Variants in EPHB1 observed in about 807,000 individuals in gnomAD.
EPHB1 encodes the protein EPH receptor B1.
EPHB1 carries 30 observed loss-of-function variants against 94.4 expected under a neutral mutation model. The observed-to-expected ratio is 0.32, with a 90% confidence interval of 0.24 to 0.43. EPHB1 has a LOEUF of 0.43. Among genes scored for constraint, EPHB1 ranks in the 20% least tolerant of loss-of-function variants. The probability of loss-of-function intolerance (pLI) is 1.00; values close to 1 mark genes in which losing one functional copy is unlikely to be tolerated. For missense variants in EPHB1, 1,055 were observed against 1,308.3 expected, an observed-to-expected ratio of 0.81 and a Z score of 2.99; for synonymous variants, 522 against 489.1, an observed-to-expected ratio of 1.07 and a Z score of -0.89.
At chr3:135,081,400 G>A (rs1056466005) in intron 3 of EPHB1, among the ~76,000 whole-genome samples, 2 of 152,172 alleles carry the variant, frequency 1.3e-5, no homozygotes, top group African/African-American at 2.4e-5. Context: ...AAACTCTCAC[G>A]AGGATGGAGA....
chr3:134,853,858 G>T (rs966359761), intron 1 of EPHB1, among the ~76,000 whole-genome samples: 2 of 152,180 alleles, frequency 1.3e-5, no homozygotes, highest in Non-Finnish European at 2.9e-5. Context: ...CCATATAGGA[G>T]CAACTTCACA....
chr3:135,154,201 C>T lies in EPHB1; in HGVS notation c.1347C>T (p.Ser449=), dbSNP rs776038429. The T allele has an allele frequency of 1.2e-6, 2 of 1,614,046 alleles. No individual in the cohort carries two copies. Among genetic ancestry groups the T allele is most frequent in the Non-Finnish European group, 1.7e-6 (2 of 1,179,878 alleles). The change falls in exon 6 of 16, where the codon AGC becomes AGT. Residue 449 remains serine, a synonymous_variant. Transcript: ENST00000398015. ...ACCAAGTCAGTGCCACTATGAGGAG[C>T]ATCACCTTGTCATGGCCACAGCCGG... The part of the protein sequence containing the change: ...IMHQVSATMR[S]ITLSWPQPEQ...
At position 135,179,979 on chromosome 3, in the gene EPHB1, G is replaced by T. The variant is rs1329258481; in HGVS notation, c.1879G>T (p.Ala627Ser). Residue 627 changes from alanine to serine, a missense_variant, in exon 10 of 16, where the codon GCA (alanine) becomes TCA (serine). Ala to Ser is a moderately conservative substitution (Grantham distance 99). Transcript: ENST00000398015. ...TGTGAAAATTGAAGAGGTCATCGGAGCAGGTATGGCTCTTCCCTGTCTTGT... is the reference window on the plus strand; with the variant it reads ...TGTGAAAATTGAAGAGGTCATCGGATCAGGTATGGCTCTTCCCTGTCTTGT... ...SFVKIEEVIG[A>S]GEFGEVYKGR... is the part of the protein sequence containing the mutation. The T allele has an allele frequency of 6.2e-7, 1 of 1,613,790 alleles. No individual in the cohort carries two copies. Among genetic ancestry groups the T allele is most frequent in the Non-Finnish European group, 8.5e-7 (1 of 1,179,726 alleles).
intron 3 of EPHB1, among the ~76,000 whole-genome samples, chr3:135,054,618 A>G (rs1406089627): frequency 6.6e-6 from 1 of 152,202 alleles, no homozygotes; most frequent in African/African-American, 2.4e-5. Context: ...GGGGCACCTC[A>G]GACTTCTTGC....
At chr3:135,165,632 A>G (rs543567675) in intron 7 of EPHB1, among the ~76,000 whole-genome samples, 4 of 152,296 alleles carry the variant, frequency 2.6e-5, no homozygotes, top group Non-Finnish European at 5.9e-5. Context: ...AGTCCCCTTC[A>G]TTGGAATGTC....
At chr3:135,170,912 G>A (rs1161000613) in intron 9 of EPHB1, among the ~76,000 whole-genome samples, 1 of 152,170 alleles carries the variant, frequency 6.6e-6, no homozygotes, top group Non-Finnish European at 1.5e-5. Flanking sequence ...TCCGTGTGCA[G>A]GCAACTGCAG....
chr3:134,925,359 C>T (rs553250485), intron 1 of EPHB1, among the ~76,000 whole-genome samples: 37 of 152,246 alleles, frequency 2.4e-4, no homozygotes, highest in African/African-American at 8.4e-4. Context: ...ACAGATGAGG[C>T]CAGAGAAGCT....
chr3:134,908,379 C>T (rs543694651), intron 1 of EPHB1, among the ~76,000 whole-genome samples: 2 of 152,310 alleles, frequency 1.3e-5, no homozygotes, highest in East Asian at 1.9e-4. Flanking sequence ...GGGCCCAGGG[C>T]CCAGACCTCC....
chr3:135,057,611 C>T (rs1937384147), intron 3 of EPHB1, among the ~76,000 whole-genome samples: 1 of 152,158 alleles, frequency 6.6e-6, no homozygotes, highest in Non-Finnish European at 1.5e-5. Context: ...CTTTTATCTC[C>T]AGTGCTTTGG....
chr3:135,241,917 G>T (rs1316021080), intron 13 of EPHB1, among the ~76,000 whole-genome samples: 1 of 152,224 alleles, frequency 6.6e-6, no homozygotes, highest in Non-Finnish European at 1.5e-5. Context: ...ACAGGAGAGG[G>T]TCCCTGTCTG....
In EPHB1 at chr3:135,070,936, T is replaced by C. The variant is rs192828807; in HGVS notation, c.806-35512T>C. On this transcript the variant is annotated intron_variant, in intron 3 of 15. Coordinates refer to ENST00000398015, the MANE Select transcript of EPHB1 (RefSeq NM_004441.5). Reference sequence around the variant, plus strand: ...CTCTTATTCTGCACATAGTAAAAAATGATGTGCATGGTCAAGTGTTCATTA... The same window carrying C: ...CTCTTATTCTGCACATAGTAAAAAACGATGTGCATGGTCAAGTGTTCATTA... 1.2e-3 allele frequency among the ~76,000 whole-genome samples: 180 copies of C among 152,138 alleles called. No homozygotes were observed. The South Asian group carries it at 0.012, about 10-fold the overall frequency.
intron 1 of EPHB1, among the ~76,000 whole-genome samples, chr3:134,863,991 TC>T (rs2108304883): frequency 6.6e-6 from 1 of 152,246 alleles, no homozygotes; most frequent in South Asian, 2.1e-4. Context: ...GGGTGGGAAA[TC>T]TACAGCATAC....
chr3:134,993,748 T>A (rs560388143), intron 3 of EPHB1, among the ~76,000 whole-genome samples: 4 of 152,328 alleles, frequency 2.6e-5, no homozygotes, highest in African/African-American at 9.6e-5. Context: ...CACCCTTAAA[T>A]GTCAGACTAG....
chr3:135,227,544 C>T (rs531361749), intron 12 of EPHB1, among the ~76,000 whole-genome samples: 1 of 152,136 alleles, frequency 6.6e-6, no homozygotes, highest in Non-Finnish European at 1.5e-5. Flanking sequence ...TTACCTTTCC[C>T]CTTCAGCGCC....
chr3:135,255,889 A>T (rs1933361608), intron 15 of EPHB1, among the ~76,000 whole-genome samples: 1 of 144,422 alleles, frequency 6.9e-6, no homozygotes, highest in East Asian at 2.0e-4. Context: ...TTGCTTTATG[A>T]ATCTGGGTGC....
At chr3:134,955,002 A>T (rs931972758) in intron 3 of EPHB1, among the ~76,000 whole-genome samples, 6 of 139,636 alleles carry the variant, frequency 4.3e-5, no homozygotes, top group African/African-American at 1.5e-4. Flanking sequence ...GCGCATTAGG[A>T]TGTGTGGCAA....
At chr3:134,914,309 G>T (rs2038518972) in intron 1 of EPHB1, among the ~76,000 whole-genome samples, 1 of 152,242 alleles carries the variant, frequency 6.6e-6, no homozygotes, top group African/African-American at 2.4e-5. Context: ...ACTACCACTT[G>T]TCAGAGGCTG....
intron 3 of EPHB1, among the ~76,000 whole-genome samples, chr3:135,103,588 A>G (rs1247760936): frequency 6.6e-6 from 1 of 152,218 alleles, no homozygotes; most frequent in Non-Finnish European, 1.5e-5. Context: ...AGAAATTTAC[A>G]GTTCTTTTTC....
chr3:135,235,611 A>G (rs1943632739), intron 12 of EPHB1, among the ~76,000 whole-genome samples: 1 of 152,228 alleles, frequency 6.6e-6, no homozygotes, highest in South Asian at 2.1e-4. Context: ...AAACAAGCAA[A>G]CAAATAAACT....
Sources: allele counts gnomAD v4.1 joint callset (sites outside exome capture counted in the v4.1 genomes callset), GRCh38; gene constraint gnomAD v4.1.1; transcripts MANE v1.5; gene names NCBI Gene and HGNC (gene_info 2026-07-23, HGNC 2026-07-21).